Variants in HNRNPLL observed in about 807,000 individuals in gnomAD.
The protein encoded by HNRNPLL is heterogeneous nuclear ribonucleoprotein L like.
In HNRNPLL, 25 loss-of-function variants were observed where a neutral mutation model predicts 67.1. The ratio of observed to expected loss-of-function variants is 0.37; its 90% confidence interval spans 0.27 to 0.52. The LOEUF (loss-of-function observed/expected upper bound fraction) is 0.52. HNRNPLL is among the 20% of genes least tolerant of loss of function. The pLI, the probability that HNRNPLL is intolerant of heterozygous loss-of-function variation, is 0.90. For missense variants in HNRNPLL, 542 were observed against 673.9 expected (o/e 0.80, Z 2.17); for synonymous variants, 267 against 241.7 (o/e 1.10, Z -0.97).
At chr2:38,597,687 T>C (rs991254523) in intron 1 of HNRNPLL, among the ~76,000 whole-genome samples, 22 of 143,430 alleles carry the variant, frequency 1.5e-4, no homozygotes, top group African/African-American at 5.2e-4. Flanking sequence ...AAGTAACTTT[T>C]TTTATTTTTT....
chr2:38,597,214 C>T (rs992678246), intron 1 of HNRNPLL, among the ~76,000 whole-genome samples: 3 of 152,188 alleles, frequency 2.0e-5, no homozygotes, highest in African/African-American at 7.2e-5. Context: ...CCCTCTCTTA[C>T]ATAATCTTTC....
At chr2:38,572,452 T>TAC (rs2148343913) in intron 8 of HNRNPLL, among the ~76,000 whole-genome samples, 1 of 152,218 alleles carries the variant, frequency 6.6e-6, no homozygotes, top group South Asian at 2.1e-4. Flanking sequence ...AACACATTAC[T>TAC]ACAGTACTAA....
chr2:38,590,104 T>C (rs1431020898), intron 2 of HNRNPLL, among the ~76,000 whole-genome samples: 1 of 152,206 alleles, frequency 6.6e-6, no homozygotes, highest in Non-Finnish European at 1.5e-5. Context: ...ACTTTCAACA[T>C]ACAAACTTTA....
rs746913248 is a variant in HNRNPLL, at chr2:38,602,906, C to A, written c.-280G>T. ...CCTCCTCCTCCGTCTCCGCTCCCTG[C>A]CCGGAGGAGCGAATCTAAGGATGGG... is the stretch of plus-strand genomic sequence containing the variant. On this transcript the variant is annotated 5_prime_UTR_variant, in exon 1 of 13. Coordinates refer to ENST00000449105, the MANE Select transcript of HNRNPLL (RefSeq NM_138394.4). The A allele has an allele frequency of 1.3e-6, 2 of 1,533,304 alleles. No homozygotes were observed. Among genetic ancestry groups the A allele is most frequent in the South Asian group, 2.4e-5 (2 of 83,530 alleles). The allele number at this position is 1,533,304 out of a possible 1,614,324, so 95.0% of individuals were successfully genotyped here. A position where few individuals can be genotyped will look rare whatever the true frequency, so the allele number is the denominator to read the frequency against.
chr2:38,596,129 C>T (rs1261219537), intron 1 of HNRNPLL, among the ~76,000 whole-genome samples: 1 of 151,932 alleles, frequency 6.6e-6, no homozygotes, highest in Non-Finnish European at 1.5e-5. Flanking sequence ...AGGTATCTTT[C>T]CCAACTATTT....
At chr2:38,587,505 C>T (rs997534900) in intron 2 of HNRNPLL, among the ~76,000 whole-genome samples, 3 of 152,002 alleles carry the variant, frequency 2.0e-5, no homozygotes, top group South Asian at 4.1e-4. Flanking sequence ...AAAAACAAGG[C>T]GTTGAATTTA....
chr2:38,573,346 A>T lies in HNRNPLL; in HGVS notation c.956T>A (p.Leu319Ter). 6.2e-7 allele frequency: 1 copy of T among 1,612,732 alleles called. No individual in the cohort carries two copies. The highest frequency in any genetic ancestry group is 8.5e-7 in the Non-Finnish European group (1 of 1,179,166). Residue 319 changes from leucine to a stop codon, truncating the protein, a stop_gained, in exon 8 of 13, where the codon TTA becomes TAA. Transcript: ENST00000449105. LOFTEE classifies it high-confidence loss of function. ...CATGTAAGAGGAAGAAGCCTGTGGT[A>T]ATGGATAAGCAACAAGTTCAGGTGT... ...RDTPELVAYP[L>*]PQASSSYMHG...
chr2:38,578,083 A>G (rs1666368553), intron 6 of HNRNPLL: 4 of 456,374 alleles, frequency 8.8e-6, no homozygotes, highest in South Asian at 6.4e-5. Context: ...CTGACTTGAG[A>G]GCTGAAAATG....
chr2:38,583,704 T>C (rs1666623125), intron 4 of HNRNPLL, 137 bp downstream of exon 4: 1 of 497,464 alleles, frequency 2.0e-6, no homozygotes, highest in Non-Finnish European at 3.7e-6. Flanking sequence ...AGTACTGCAG[T>C]TTCATTTTTT....
chr2:38,601,305 T>A (rs945638520), intron 1 of HNRNPLL, among the ~76,000 whole-genome samples: 2 of 152,224 alleles, frequency 1.3e-5, no homozygotes, highest in South Asian at 2.1e-4. Context: ...CAGCCTTTTT[T>A]TTTATTATTT....
intron 7 of HNRNPLL, among the ~76,000 whole-genome samples, chr2:38,575,981 G>A (rs1360501096): frequency 6.6e-6 from 1 of 151,654 alleles, no homozygotes; most frequent in Non-Finnish European, 1.5e-5. Flanking sequence ...ACATAGCTCA[G>A]AATGGATACC....
chr2:38,568,456 G>A lies in HNRNPLL; in HGVS notation c.1417-13C>T. Reference sequence around the variant, plus strand: ...GGTCATTACACAACTGTCAAAGAAAGTAAAACTTCATTAAAAATATAGCCA... The same window carrying A: ...GGTCATTACACAACTGTCAAAGAAAATAAAACTTCATTAAAAATATAGCCA... On this transcript the variant is annotated splice_polypyrimidine_tract_variant and intron_variant, in intron 10 of 12. Coordinates refer to ENST00000449105, the MANE Select transcript of HNRNPLL (RefSeq NM_138394.4). 6.5e-7 allele frequency: 1 copy of A among 1,535,916 alleles called. No individual in the cohort carries two copies. Among genetic ancestry groups the A allele is most frequent in the Non-Finnish European group, 8.9e-7 (1 of 1,128,998 alleles).
At chr2:38,566,422 GACAA>G (rs1407792940) in intron 12 of HNRNPLL, among the ~76,000 whole-genome samples, 1 of 147,480 alleles carries the variant, frequency 6.8e-6, no homozygotes, top group Non-Finnish European at 1.5e-5. Flanking sequence ...CTATTATGGA[GACAA>G]ACAAACAGGT....
intron 6 of HNRNPLL, among the ~76,000 whole-genome samples, chr2:38,579,405 A>C (rs925299461): frequency 1.3e-5 from 2 of 151,882 alleles, no homozygotes; most frequent in African/African-American, 4.8e-5. Flanking sequence ...AACTTAAAGT[A>C]TAATAATAAT....
chr2:38,598,449 T>A (rs1315681087), intron 1 of HNRNPLL, among the ~76,000 whole-genome samples: 1 of 152,194 alleles, frequency 6.6e-6, no homozygotes, highest in East Asian at 1.9e-4. Flanking sequence ...CCAATAAATC[T>A]TCTACCCCGC....
intron 12 of HNRNPLL, among the ~76,000 whole-genome samples, chr2:38,566,748 C>T (rs1269245387): frequency 6.6e-6 from 1 of 151,030 alleles, no homozygotes; most frequent in Admixed American, 6.6e-5. Flanking sequence ...CTTTGGGAGG[C>T]TGAGGCAGGA....
chr2:38,584,835 T>C (rs1666661282), intron 3 of HNRNPLL, among the ~76,000 whole-genome samples: 1 of 152,040 alleles, frequency 6.6e-6, no homozygotes, highest in Non-Finnish European at 1.5e-5. Flanking sequence ...GCTGCATTGT[T>C]ACACACCAGA....
chr2:38,594,696 C>A (rs1040932881), intron 1 of HNRNPLL, among the ~76,000 whole-genome samples: 8 of 152,148 alleles, frequency 5.3e-5, no homozygotes, highest in Non-Finnish European at 1.0e-4. Context: ...TGCCTGTAAT[C>A]CCAGCACTTT....
chr2:38,577,126 T>C (rs1396759927), intron 7 of HNRNPLL, among the ~76,000 whole-genome samples: 2 of 151,958 alleles, frequency 1.3e-5, no homozygotes, highest in Non-Finnish European at 2.9e-5. Flanking sequence ...ATTGCTGGAA[T>C]GAAAGAAAAT....
Sources: gnomAD v4.1 joint callset for allele counts (sites outside exome capture counted in the v4.1 genomes callset) on GRCh38, gnomAD v4.1.1 for gene constraint, MANE v1.5 for transcripts, NCBI Gene and HGNC (gene_info 2026-07-23, HGNC 2026-07-21) for gene names.